The following SHF variants were observed in gnomAD, a reference collection of about 807,000 sequenced individuals.
SHF encodes SH2 domain-containing adapter protein F.
SHF carries 30 observed loss-of-function variants against 42.4 expected under a neutral mutation model. That is an observed-to-expected ratio of 0.71 (90% CI 0.53 to 0.96). The LOEUF is 0.96. Ranked by LOEUF, SHF falls within the 40% of genes least tolerant of loss-of-function variation. The pLI, the probability that SHF is intolerant of heterozygous loss-of-function variation, is 0.00. For synonymous variants in SHF, 264 were observed against 269.9 expected, an observed-to-expected ratio of 0.98 and a Z score of 0.21; for missense variants, 598 against 634.0, an observed-to-expected ratio of 0.94 and a Z score of 0.61.
chr15:45,170,443 C>T (rs760157094), intron 6 of SHF: 6 of 1,288,020 alleles, frequency 4.7e-6, no homozygotes, highest in Non-Finnish European at 6.1e-6. Context: ...CTGGGAAATG[C>T]TTCTTTGATT....
At chr15:45,180,832 A>C (rs939478911) in intron 1 of SHF, among the ~76,000 whole-genome samples, 2 of 152,212 alleles carry the variant, frequency 1.3e-5, no homozygotes, top group Admixed American at 1.3e-4. Context: ...GTTTACTTTC[A>C]AATTCCTGAC....
intron 2 of SHF, 31 bp downstream of exon 2, chr15:45,178,134 A>G: frequency 1.9e-6 from 3 of 1,604,360 alleles, no homozygotes; most frequent in Non-Finnish European, 2.5e-6. Context: ...CCCAGGCCTC[A>G]GGGAGCACCT....
intron 2 of SHF, chr15:45,198,707 T>G: frequency 2.0e-6 from 3 of 1,538,414 alleles, no homozygotes; most frequent in Non-Finnish European, 2.6e-6. Flanking sequence ...GGGGTTGGCT[T>G]CTGATTATCC....
Position 45,178,246 on chromosome 15 carries a change from C to T in SHF, c.559G>A (p.Ala187Thr). ...FDVQETGEGS[A>T]GASGAPEKVP... ...TTCTCTGGGGCTCCTGAAGCTCCTGCTGAGCCTTCGCCAGTCTCCTGAACA... is the reference window on the plus strand; with the variant it reads ...TTCTCTGGGGCTCCTGAAGCTCCTGTTGAGCCTTCGCCAGTCTCCTGAACA... The change falls in exon 2 of 7, where the codon GCA becomes ACA. Residue 187 changes from alanine to threonine, a missense_variant. Ala to Thr is a moderately conservative substitution (Grantham distance 58). Around this residue, in one of 2 missense-constraint regions of SHF, gnomAD observed 439 missense variants for 524.6 expected, o/e 0.84. Transcript: ENST00000690270. 1.2e-6 allele frequency: 2 copies of T among 1,614,014 alleles called. No homozygotes were observed. The highest frequency in any genetic ancestry group is 2.7e-5 in the African/African-American group (2 of 75,072).
chr15:45,189,709 G>T (rs539733603), upstream of SHF, among the ~76,000 whole-genome samples: 3 of 151,486 alleles, frequency 2.0e-5, no homozygotes, highest in Admixed American at 6.6e-5. Flanking sequence ...TTTTGAGGGC[G>T]CAAAAAGCCA....
In SHF at chr15:45,187,902, G is replaced by A; in HGVS notation, c.50C>T (p.Thr17Met). 8.4e-7 allele frequency: 1 copy of A among 1,186,138 alleles called. No homozygotes were observed. Among genetic ancestry groups the A allele is most frequent in the East Asian group, 3.6e-5 (1 of 27,642 alleles). 73.5% of individuals were successfully genotyped at this position (1,186,138 alleles called of 1,614,324 possible). ...CGGGCCGCCCCCAGCGCTCCCCTGCGTTCGCGGCCCCGGGCGGGAGCCAGC... is the reference window on the plus strand; with the variant it reads ...CGGGCCGCCCCCAGCGCTCCCCTGCATTCGCGGCCCCGGGCGGGAGCCAGC... ...PPAGSRPGPR[T>M]QGSAGGGPGG... Residue 17 changes from threonine to methionine, a missense_variant, in exon 1 of 7, where the codon ACG becomes ATG. Thr to Met is a moderately conservative substitution (Grantham distance 81). Coordinates refer to ENST00000690270, the MANE Select transcript of SHF (RefSeq NM_001394037.1).
At chr15:45,179,550 A>C (rs986284300) in intron 1 of SHF, among the ~76,000 whole-genome samples, 5 of 152,048 alleles carry the variant, frequency 3.3e-5, no homozygotes, top group African/African-American at 1.2e-4. Flanking sequence ...CAAACCACAC[A>C]CTCCGAAGAG....
At chr15:45,200,740 G>A in exon 1 of SHF, 1 of 456,296 alleles carries the variant, frequency 2.2e-6, no homozygotes, top group South Asian at 1.5e-5. Context: ...GCGCCTCAAG[G>A]AAGTTGTATG....
chr15:45,189,389 CTTTTTTTTT>C (rs11309833), upstream of SHF, among the ~76,000 whole-genome samples: 7 of 46,760 alleles, frequency 1.5e-4, 1 homozygote, highest in African/African-American at 5.7e-4. Context: ...TCATGTCTGC[CTTTTTTTTT>C]TTTTTTTTTT....
At chr15:45,173,463 A>G in intron 4 of SHF, 113 bp downstream of exon 4, 3 of 1,386,560 alleles carry the variant, frequency 2.2e-6, no homozygotes, top group Non-Finnish European at 2.8e-6. Context: ...CCCAAATGAG[A>G]TTCTTCCTGG....
intron 4 of SHF, 27 bp from the exon 5 acceptor site, chr15:45,172,345 T>C: frequency 1.9e-6 from 3 of 1,561,460 alleles, no homozygotes; most frequent in Non-Finnish European, 2.6e-6. Flanking sequence ...AATCATGGAC[T>C]CTAAGGACCC....
chr15:45,168,099 G>C lies in SHF; in HGVS notation c.1315C>G (p.Arg439Gly), dbSNP rs756106361. ...SQGFMHMKLSRTKEHKYVLGQ... is the reference protein window; with the variant it reads ...SQGFMHMKLSGTKEHKYVLGQ... Reference sequence around the variant, plus strand: ...AGCACATATTTGTGTTCCTTGGTTCGGGACAGCTTCATGTGCATGAATCCC... The same window carrying C: ...AGCACATATTTGTGTTCCTTGGTTCCGGACAGCTTCATGTGCATGAATCCC... The change falls in exon 7 of 7, where the codon CGA becomes GGA. Residue 439 changes from arginine (R) to glycine (G), a missense_variant. By Grantham distance (125) the Arg-to-Gly change is moderately radical (BLOSUM62 -2). Transcript: ENST00000690270. 9 of 1,608,264 alleles carry C rather than the reference G, an allele frequency of 5.6e-6. No individual in the cohort carries two copies. The highest frequency in any genetic ancestry group is 1.3e-5 in the African/African-American group (1 of 74,992).
intron 1 of SHF, among the ~76,000 whole-genome samples, chr15:45,183,305 T>C (rs1706820): frequency 0.42 from 58,970 of 140,520 alleles, 14,210 homozygotes; most frequent in Non-Finnish European, 0.57. Flanking sequence ...CCTCACAGGA[T>C]TGTTTTAAGG....
At chr15:45,199,048 C>T (rs1189762127) in exon 2 of SHF, 9 of 1,597,496 alleles carry the variant, frequency 5.6e-6, no homozygotes, top group Non-Finnish European at 7.7e-6. Context: ...AGGGGGCGCT[C>T]CTCACGGGTC....
intron 1 of SHF, chr15:45,200,500 C>T (rs1001551801): frequency 5.7e-6 from 2 of 353,038 alleles, no homozygotes; most frequent in African/African-American, 2.1e-5. Flanking sequence ...ACTAGGGACA[C>T]AGGACCTCGG....
chr15:45,189,788 C>CT (rs1159285487), upstream of SHF, among the ~76,000 whole-genome samples: 1 of 152,114 alleles, frequency 6.6e-6, no homozygotes, highest in Non-Finnish European at 1.5e-5. Flanking sequence ...AACTGTGAAT[C>CT]TCCTGGGATT....
At chr15:45,170,535 G>T in intron 6 of SHF, 2 of 936,720 alleles carry the variant, frequency 2.1e-6, no homozygotes, top group Non-Finnish European at 1.5e-6. Flanking sequence ...AGAAACCGAG[G>T]CTCGGAGATA....
At chr15:45,180,902 T>A (rs1898090010) in intron 1 of SHF, among the ~76,000 whole-genome samples, 1 of 152,226 alleles carries the variant, frequency 6.6e-6, no homozygotes, top group Non-Finnish European at 1.5e-5. Context: ...TTTTCCTTGT[T>A]CATTCAGGAG....
chr15:45,200,663 C>T (rs1014363384), intron 1 of SHF: 1 of 453,132 alleles, frequency 2.2e-6, no homozygotes. Context: ...TCCACACTTG[C>T]CTGCGCACCA....
Sources: gnomAD v4.1 joint callset for allele counts (sites outside exome capture counted in the v4.1 genomes callset) on GRCh38, gnomAD v4.1.1 for gene constraint, gnomAD v4.1.1 regional missense constraint, MANE v1.5 for transcripts, NCBI Gene and HGNC (gene_info 2026-07-23, HGNC 2026-07-21) for gene names.